MBOAT1: variants seen among roughly 807,000 people sequenced by gnomAD.
MBOAT1 encodes the protein membrane-bound glycerophospholipid O-acyltransferase 1.
In MBOAT1, 67 loss-of-function variants were observed where a neutral mutation model predicts 64.4. That is an observed-to-expected ratio of 1.04 (90% CI 0.85 to 1.27). The LOEUF (loss-of-function observed/expected upper bound fraction) is 1.27, where lower values mean the gene tolerates loss of function less well. MBOAT1 is among the 50% of genes most tolerant of loss of function. The pLI, the probability that MBOAT1 is intolerant of heterozygous loss-of-function variation, is 0.00. For synonymous variants in MBOAT1, 229 were observed against 218.9 expected, an observed-to-expected ratio of 1.05 and a Z score of -0.41; for missense variants, 563 against 604.6, an observed-to-expected ratio of 0.93 and a Z score of 0.72.
intron 1 of MBOAT1, among the ~76,000 whole-genome samples, chr6:20,179,659 C>A (rs1298677257): frequency 6.6e-6 from 1 of 152,110 alleles, no homozygotes; most frequent in Non-Finnish European, 1.5e-5. Context: ...CACTTACATT[C>A]CTTTGGGGAT....
intron 1 of MBOAT1, among the ~76,000 whole-genome samples, chr6:20,201,230 C>G (rs1166074612): frequency 2.0e-5 from 3 of 151,918 alleles, no homozygotes; most frequent in Non-Finnish European, 4.4e-5. Context: ...GCTGGAAGAA[C>G]AGAAACAAAG....
intron 4 of MBOAT1, among the ~76,000 whole-genome samples, chr6:20,134,036 A>G (rs1324141533): frequency 6.6e-6 from 1 of 152,136 alleles, no homozygotes; most frequent in East Asian, 1.9e-4. Context: ...ACTCTACTGA[A>G]TTTGCCAAAA....
At chr6:20,128,083 C>A (rs1470904592) in intron 6 of MBOAT1, among the ~76,000 whole-genome samples, 2 of 152,042 alleles carry the variant, frequency 1.3e-5, no homozygotes, top group African/African-American at 2.4e-5. Context: ...CTAGCAGGAA[C>A]CCCCCGCCCC....
intron 1 of MBOAT1, among the ~76,000 whole-genome samples, chr6:20,206,942 G>A (rs1057223449): frequency 9.9e-5 from 15 of 151,926 alleles, no homozygotes; most frequent in East Asian, 1.9e-4. Flanking sequence ...ACCCACCATC[G>A]CAAGAAGTTT....
At position 20,124,552 on chromosome 6, in the gene MBOAT1, A is replaced by G; in HGVS notation, c.763T>C (p.Phe255Leu). The G allele has an allele frequency of 6.2e-7, 1 of 1,614,248 alleles. No individual in the cohort carries two copies. The highest frequency in any genetic ancestry group is 1.1e-5 in the South Asian group (1 of 91,084). The change falls in exon 8 of 13, where the codon TTT becomes CTT. Residue 255 changes from phenylalanine (F) to leucine (L), a missense_variant. Phe to Leu is a conservative substitution (Grantham distance 22). Coordinates refer to ENST00000324607, the MANE Select transcript of MBOAT1 (RefSeq NM_001080480.3). ...LGITLVSLLL[F>L]LTLTKTFPVT... ...GGAAAGGTCTTCGTTAGCGTCAAAA[A>G]CAAAAGGAGAGACACCAAGGTGATG...
intron 3 of MBOAT1, among the ~76,000 whole-genome samples, chr6:20,148,013 T>G (rs1761377349): frequency 6.6e-6 from 1 of 152,190 alleles, no homozygotes; most frequent in South Asian, 2.1e-4. Flanking sequence ...TCCAGTTGGT[T>G]CACGTAGGGT....
intron 4 of MBOAT1, among the ~76,000 whole-genome samples, chr6:20,140,992 G>C (rs1285072317): frequency 6.6e-6 from 1 of 152,072 alleles, no homozygotes; most frequent in African/African-American, 2.4e-5. Context: ...ACCAACCCTT[G>C]AGAGCCAGGC....
intron 9 of MBOAT1, among the ~76,000 whole-genome samples, chr6:20,118,042 G>A (rs959542225): frequency 6.6e-5 from 10 of 152,090 alleles, no homozygotes; most frequent in Admixed American, 1.3e-4. Flanking sequence ...CACATAGAAC[G>A]TTTGCAATAT....
At chr6:20,208,929 A>G (rs993857619) in intron 1 of MBOAT1, among the ~76,000 whole-genome samples, 1 of 152,226 alleles carries the variant, frequency 6.6e-6, no homozygotes, top group East Asian at 1.9e-4. Flanking sequence ...ACTAACATCA[A>G]CATTATCATA....
chr6:20,176,879 C>A (rs935183310), intron 1 of MBOAT1, among the ~76,000 whole-genome samples: 6 of 152,222 alleles, frequency 3.9e-5, no homozygotes, highest in Non-Finnish European at 8.8e-5. Context: ...CCACCTTAGC[C>A]TCCCAAAGTG....
At chr6:20,189,546 ATGCACCAC>A (rs775245598) in intron 1 of MBOAT1, among the ~76,000 whole-genome samples, 3 of 152,186 alleles carry the variant, frequency 2.0e-5, no homozygotes, top group Non-Finnish European at 4.4e-5. Context: ...GATTACAGAC[ATGCACCAC>A]TATACTCAGG....
chr6:20,161,544 G>A (rs1459841429), intron 1 of MBOAT1, among the ~76,000 whole-genome samples: 3 of 151,904 alleles, frequency 2.0e-5, no homozygotes, highest in African/African-American at 7.3e-5. Flanking sequence ...AACAATAAAT[G>A]CCGTTTATCC....
chr6:20,126,288 T>C (rs1191925102), intron 7 of MBOAT1, among the ~76,000 whole-genome samples: 1 of 152,220 alleles, frequency 6.6e-6, no homozygotes, highest in Non-Finnish European at 1.5e-5. Context: ...TATTGACTGA[T>C]GAACTGACTG....
At chr6:20,148,595 T>G (rs1387988016) in intron 3 of MBOAT1, among the ~76,000 whole-genome samples, 1 of 152,158 alleles carries the variant, frequency 6.6e-6, no homozygotes, top group Non-Finnish European at 1.5e-5. Flanking sequence ...AAAACCAGCA[T>G]TTTGCAGGAG....
intron 1 of MBOAT1, among the ~76,000 whole-genome samples, chr6:20,190,334 A>C (rs1392277600): frequency 6.6e-6 from 1 of 152,202 alleles, no homozygotes; most frequent in Non-Finnish European, 1.5e-5. Context: ...CTTGTTTAAA[A>C]AATATAAATG....
At chr6:20,189,164 A>G (rs1449170859) in intron 1 of MBOAT1, among the ~76,000 whole-genome samples, 2 of 152,194 alleles carry the variant, frequency 1.3e-5, no homozygotes, top group African/African-American at 2.4e-5. Flanking sequence ...TTAGGTCCTT[A>G]GGACATTTTG....
intron 4 of MBOAT1, among the ~76,000 whole-genome samples, chr6:20,140,398 G>T (rs2113674868): frequency 6.6e-6 from 1 of 152,250 alleles, no homozygotes; most frequent in Non-Finnish European, 1.5e-5. Context: ...TCAGATAGCT[G>T]GTAGAACATT....
intron 1 of MBOAT1, among the ~76,000 whole-genome samples, chr6:20,185,690 G>C (rs563663508): frequency 6.6e-6 from 1 of 152,184 alleles, no homozygotes; most frequent in Non-Finnish European, 1.5e-5. Context: ...ACCCATGACA[G>C]TGTCCAACAT....
intron 1 of MBOAT1, among the ~76,000 whole-genome samples, chr6:20,189,938 T>C (rs1001902307): frequency 6.6e-6 from 1 of 152,210 alleles, no homozygotes; most frequent in Admixed American, 6.5e-5. Context: ...TGATGGACAC[T>C]AAGGTTGATT....
Sources: gnomAD v4.1 joint callset for allele counts (sites outside exome capture counted in the v4.1 genomes callset) on GRCh38, gnomAD v4.1.1 for gene constraint, MANE v1.5 for transcripts, NCBI Gene and HGNC (gene_info 2026-07-23, HGNC 2026-07-21) for gene names.